Variants in DNAAF11 observed in about 807,000 individuals in gnomAD.
The protein encoded by DNAAF11 is leucine rich repeat containing 6.
Under a neutral mutation model 60.8 loss-of-function variants are expected in DNAAF11, and 45 were observed. The ratio of observed to expected loss-of-function variants is 0.74; its 90% CI spans 0.58 to 0.95. DNAAF11 has a LOEUF of 0.95. Ranked by LOEUF, DNAAF11 falls within the 40% of genes least tolerant of loss-of-function variation. DNAAF11 has a pLI of 0.00. For synonymous variants in DNAAF11, 191 were observed against 183.5 expected (o/e 1.04, Z -0.33); for missense variants, 546 against 546.2 (o/e 1.00, Z 0.00).
At chr8:132,649,390 G>A (rs1252426003) in intron 3 of DNAAF11, among the ~76,000 whole-genome samples, 1 of 152,178 alleles carries the variant, frequency 6.6e-6, no homozygotes, top group Admixed American at 6.5e-5. Context: ...AGACTTAAAT[G>A]TTAGACCTAA....
the DNAAF11 span, among the ~76,000 whole-genome samples, chr8:132,683,197 G>T: frequency 6.6e-6 from 1 of 152,098 alleles, no homozygotes; most frequent in African/African-American, 2.4e-5. Flanking sequence ...TTGAAGCAGG[G>T]GTCAATGACC....
rs546578522 is a variant in DNAAF11, at chr8:132,660,207, T to C, written c.178+1253A>G. ...GGTAACAGCAGCAGCACAGCAGCTA[T>C]CCTGTAATGAGTACTTATCTTTTTT... On this transcript the variant is annotated intron_variant, in intron 2 of 11. Coordinates refer to ENST00000620350, the MANE Select transcript of DNAAF11 (RefSeq NM_012472.6). Among the ~76,000 whole-genome samples, 36 of 152,184 alleles carry C rather than the reference T, an allele frequency of 2.4e-4. 1 individual carries two copies. The South Asian group carries it at 7.3e-3, about 31-fold the overall frequency.
chr8:132,689,669 A>G, the DNAAF11 span, among the ~76,000 whole-genome samples: 1 of 151,858 alleles, frequency 6.6e-6, no homozygotes, highest in South Asian at 2.1e-4. Flanking sequence ...GATTTGACTC[A>G]TATACATATA....
the DNAAF11 span, among the ~76,000 whole-genome samples, chr8:132,699,869 T>C: frequency 6.6e-6 from 1 of 152,164 alleles, no homozygotes; most frequent in Non-Finnish European, 1.5e-5. Context: ...TATCATATGA[T>C]TCCAGTTATA....
intron 3 of DNAAF11, among the ~76,000 whole-genome samples, chr8:132,646,923 TAGAC>T (rs1263096286): frequency 6.6e-6 from 1 of 152,102 alleles, no homozygotes; most frequent in Non-Finnish European, 1.5e-5. Context: ...CTGTCAACAT[TAGAC>T]AGATCAATGA....
intron 7 of DNAAF11, 53 bp from the exon 8 acceptor site, chr8:132,615,150 A>G (rs777136238): frequency 2.9e-6 from 3 of 1,017,484 alleles, no homozygotes; most frequent in Non-Finnish European, 4.6e-6. Context: ...GATACTGTAT[A>G]GAAAACCCCA....
the DNAAF11 span, among the ~76,000 whole-genome samples, chr8:132,698,634 T>A: frequency 2.0e-5 from 3 of 152,198 alleles, no homozygotes; most frequent in Middle Eastern, 3.4e-3. Flanking sequence ...ATATATTCCT[T>A]GCCAGTTCAC....
At chr8:132,679,070 G>C (rs548148018), upstream of DNAAF11, among the ~76,000 whole-genome samples, 24,845 of 152,146 alleles carry the variant, frequency 0.16, 5,692 homozygotes, top group African/African-American at 0.52. Flanking sequence ...CCTCAAGCAG[G>C]TCATATTGTC....
At chr8:132,671,867 A>G (rs1340902580) in intron 1 of DNAAF11, among the ~76,000 whole-genome samples, 1 of 152,090 alleles carries the variant, frequency 6.6e-6, no homozygotes, top group Non-Finnish European at 1.5e-5. Context: ...ATATACAAAA[A>G]TTGAGTCAAA....
At position 132,580,979 on chromosome 8, in the gene DNAAF11, A is replaced by C. The variant is rs149510814; in HGVS notation, c.1226+2715T>G. ...AAATTAAGGAAGTAGAGCAGAATAG[A>C]GACCAGAGGCAAACCCATACAGATG... On this transcript the variant is annotated intron_variant, in intron 11 of 11. Transcript: ENST00000620350. Among the ~76,000 whole-genome samples the C allele has an allele frequency of 4.0e-3, 608 of 152,350 alleles. 11 individuals are homozygous for C. Among genetic ancestry groups the C allele is most frequent in the African/African-American group, 0.014 (587 of 41,592 alleles).
intron 3 of DNAAF11, among the ~76,000 whole-genome samples, chr8:132,646,077 C>A (rs1395122758): frequency 1.3e-5 from 2 of 152,162 alleles, no homozygotes; most frequent in African/African-American, 4.8e-5. Context: ...TTGTTAAGGG[C>A]AGCCAGAGAG....
chr8:132,691,981 C>T, the DNAAF11 span, among the ~76,000 whole-genome samples: 2 of 152,062 alleles, frequency 1.3e-5, no homozygotes, highest in East Asian at 3.9e-4. Flanking sequence ...TTTTTTGGAA[C>T]ATGGAGAAAC....
At chr8:132,583,842 T>C in intron 10 of DNAAF11, 63 bp from the exon 11 acceptor site, 2 of 1,034,070 alleles carry the variant, frequency 1.9e-6, no homozygotes, top group South Asian at 2.6e-5. Flanking sequence ...TTAAAAAATA[T>C]ACATATATGT....
chr8:132,675,505 AG>A lies in DNAAF11; in HGVS notation c.-13del. On this transcript the variant is annotated 5_prime_UTR_variant, in exon 1 of 12. It adds an upstream start codon to the 5' untranslated region. Coordinates refer to ENST00000620350, the MANE Select transcript of DNAAF11 (RefSeq NM_012472.6). ...TTACTCCAGCCCATGGCGCCTCTCC[AG>A]TTCGCTGACCCCGCAAGCCGGACCC... 1 of 1,561,902 alleles carries A rather than the reference AG, an allele frequency of 6.4e-7. No homozygotes were observed. The highest frequency in any genetic ancestry group is 8.7e-7 in the Non-Finnish European group (1 of 1,149,966).
chr8:132,693,040 T>A, the DNAAF11 span, among the ~76,000 whole-genome samples: 1 of 152,166 alleles, frequency 6.6e-6, no homozygotes, highest in Non-Finnish European at 1.5e-5. Context: ...CACAACCTGG[T>A]GACTCCAAGT....
chr8:132,682,196 C>A, the DNAAF11 span, among the ~76,000 whole-genome samples: 8 of 152,214 alleles, frequency 5.3e-5, no homozygotes, highest in Non-Finnish European at 7.3e-5. Context: ...ATCTGCCAAA[C>A]TAGTTCATAA....
At chr8:132,578,355 G>A (rs2130972446) in intron 11 of DNAAF11, 2 of 998,150 alleles carry the variant, frequency 2.0e-6, no homozygotes, top group African/African-American at 1.7e-5. Flanking sequence ...TAAGCCTGGG[G>A]CACTTGAAGA....
intron 1 of DNAAF11, among the ~76,000 whole-genome samples, chr8:132,667,016 C>A (rs1233970273): frequency 6.6e-6 from 1 of 152,086 alleles, no homozygotes; most frequent in Non-Finnish European, 1.5e-5. Flanking sequence ...GTAAATTATG[C>A]GGCATTCATT....
the DNAAF11 span, among the ~76,000 whole-genome samples, chr8:132,689,079 T>C: frequency 0.58 from 88,435 of 152,050 alleles, 28,086 homozygotes; most frequent in African/African-American, 0.85. Flanking sequence ...AGGAGGTATT[T>C]GTGCCTGGGT....
Sources: gnomAD v4.1 joint callset for allele counts (sites outside exome capture counted in the v4.1 genomes callset) on GRCh38, gnomAD v4.1.1 for gene constraint, MANE v1.5 for transcripts, NCBI Gene and HGNC (gene_info 2026-07-23, HGNC 2026-07-21) for gene names.